Variants in NOXRED1 observed in about 807,000 individuals in gnomAD.
NOXRED1 encodes the protein NADP dependent oxidoreductase domain containing 1, also known as NADP-dependent oxidoreductase domain-containing protein 1.
NOXRED1 carries 20 observed loss-of-function variants against 30.4 expected under a neutral mutation model. The ratio of observed to expected loss-of-function variants is 0.66; its 90% CI spans 0.46 to 0.96. NOXRED1 has a LOEUF of 0.96. NOXRED1 is among the 40% of genes least tolerant of loss of function. The probability of loss-of-function intolerance (pLI) is 0.00; values close to 1 mark genes in which losing one functional copy is unlikely to be tolerated. For synonymous variants in NOXRED1, 155 were observed against 168.0 expected, an observed-to-expected ratio of 0.92 and a Z score of 0.60; for missense variants, 374 against 428.0, an observed-to-expected ratio of 0.87 and a Z score of 1.11.
intron 1 of NOXRED1, among the ~76,000 whole-genome samples, chr14:77,420,483 G>A (rs1471796190): frequency 6.6e-6 from 1 of 151,634 alleles, no homozygotes; most frequent in Non-Finnish European, 1.5e-5. Flanking sequence ...AAACTGCTGG[G>A]ATTACAGGCC....
At chr14:77,420,756 T>C (rs1894973063) in intron 1 of NOXRED1, among the ~76,000 whole-genome samples, 1 of 152,156 alleles carries the variant, frequency 6.6e-6, no homozygotes, top group African/African-American at 2.4e-5. Context: ...GTCAGGCCTC[T>C]CCCAATCTTT....
intron 5 of NOXRED1, 59 bp from the exon 6 acceptor site, chr14:77,394,864 G>T: frequency 1.6e-6 from 2 of 1,227,992 alleles, no homozygotes; most frequent in Non-Finnish European, 2.3e-6. Context: ...TGATTTGGCT[G>T]TTAAACACAT....
chr14:77,395,142 G>A (rs1594866221), intron 5 of NOXRED1, among the ~76,000 whole-genome samples: 1 of 125,678 alleles, frequency 8.0e-6, no homozygotes, highest in African/African-American at 3.2e-5. Flanking sequence ...GTCTTGCTCT[G>A]TCGCCCAGGC....
intron 2 of NOXRED1, among the ~76,000 whole-genome samples, chr14:77,412,125 A>T (rs1459114032): frequency 2.0e-5 from 3 of 151,052 alleles, no homozygotes; most frequent in African/African-American, 7.3e-5. Flanking sequence ...AAAAAAAAAA[A>T]AATTTAATAA....
At chr14:77,418,207 T>C (rs1894882175) in intron 1 of NOXRED1, among the ~76,000 whole-genome samples, 1 of 152,030 alleles carries the variant, frequency 6.6e-6, no homozygotes, top group African/African-American at 2.4e-5. Context: ...TGAACACAGC[T>C]CACTTCAGCC....
At chr14:77,415,199 CACACACACACA>C (rs1272789405) in intron 1 of NOXRED1, among the ~76,000 whole-genome samples, 6 of 151,640 alleles carry the variant, frequency 4.0e-5, no homozygotes, top group Non-Finnish European at 8.8e-5. Flanking sequence ...CACACACACA[CACACACACACA>C]CACACACACC....
chr14:77,415,247 T>A (rs1894780294), intron 1 of NOXRED1, among the ~76,000 whole-genome samples: 1 of 151,736 alleles, frequency 6.6e-6, no homozygotes, highest in Admixed American at 6.6e-5. Flanking sequence ...TAACCATTTT[T>A]AAAGTGCACA....
chr14:77,400,106 T>C (rs1894288950), intron 5 of NOXRED1, among the ~76,000 whole-genome samples: 1 of 152,132 alleles, frequency 6.6e-6, no homozygotes, highest in African/African-American at 2.4e-5. Flanking sequence ...AACCTAGAAC[T>C]CTGTGCAAAG....
At chr14:77,418,070 C>T (rs1894879042) in intron 1 of NOXRED1, among the ~76,000 whole-genome samples, 2 of 152,018 alleles carry the variant, frequency 1.3e-5, no homozygotes, top group Admixed American at 1.3e-4. Flanking sequence ...TGTTATTTAT[C>T]TCATGAATTA....
intron 5 of NOXRED1, 67 bp from the exon 6 acceptor site, chr14:77,394,872 C>T (rs1413514163): frequency 4.0e-5 from 47 of 1,163,350 alleles, no homozygotes; most frequent in Non-Finnish European, 5.4e-5. Flanking sequence ...CTGTTAAACA[C>T]ATCTTTTAAA....
chr14:77,394,513 C>CT lies in NOXRED1; in HGVS notation c.*117dup, dbSNP rs368621049. 1,014 of 677,506 alleles carry CT rather than the reference C, an allele frequency of 1.5e-3. 1 individual carries two copies. The highest frequency in any genetic ancestry group is 2.3e-3 in the Non-Finnish European group (923 of 397,692). 42.0% of individuals were successfully genotyped at this position (677,506 alleles called of 1,614,324 possible). The stretch of plus-strand genomic sequence containing the variant: ...AGTACAGTTTTATAATTCCTGATGT[C>CT]TATCATGTGGCAAACACAATACAGC... On this transcript the variant is annotated 3_prime_UTR_variant, in exon 6 of 6. Coordinates refer to ENST00000380835, the MANE Select transcript of NOXRED1 (RefSeq NM_001113475.3).
At chr14:77,422,269 A>G (rs1359833734) in intron 1 of NOXRED1, among the ~76,000 whole-genome samples, 1 of 152,170 alleles carries the variant, frequency 6.6e-6, no homozygotes. Flanking sequence ...CTTTTCTGCA[A>G]ATCAATATTC....
intron 2 of NOXRED1, among the ~76,000 whole-genome samples, chr14:77,408,017 G>A (rs895537650): frequency 1.1e-4 from 16 of 151,906 alleles, no homozygotes; most frequent in African/African-American, 3.4e-4. Flanking sequence ...ACAGGCATGC[G>A]CCACCATGCC....
At position 77,403,855 on chromosome 14, in the gene NOXRED1, C is replaced by T. The variant is rs190962572; in HGVS notation, c.905+2058G>A. On this transcript the variant is annotated intron_variant, in intron 5 of 5. Coordinates refer to ENST00000380835, the MANE Select transcript of NOXRED1 (RefSeq NM_001113475.3). ...TAAGAATTAGAATGGCACTGTAACT[C>T]TCAGTAGCAACTCTAGAAGCTGAAA... Among the ~76,000 whole-genome samples, 459 of 152,210 alleles carry T rather than the reference C, an allele frequency of 3.0e-3. 3 individuals carry two copies. The highest frequency in any genetic ancestry group is 3.4e-3 in the Middle Eastern group (1 of 294).
chr14:77,413,426 A>G (rs1440169883), intron 2 of NOXRED1, among the ~76,000 whole-genome samples: 1 of 152,052 alleles, frequency 6.6e-6, no homozygotes, highest in Non-Finnish European at 1.5e-5. Flanking sequence ...TTTAATAGAG[A>G]CAGGGTTTCA....
At chr14:77,415,169 C>T (rs1894776938) in intron 1 of NOXRED1, among the ~76,000 whole-genome samples, 1 of 141,642 alleles carries the variant, frequency 7.1e-6, no homozygotes, top group South Asian at 2.3e-4. Context: ...GAGCAAGACC[C>T]TGTCTCAGGA....
Position 77,413,905 on chromosome 14 carries a change from C to T in NOXRED1, c.349+29G>A, listed in dbSNP as rs1164783728. On this transcript the variant is annotated intron_variant, in intron 2 of 5. Coordinates refer to ENST00000380835, the MANE Select transcript of NOXRED1 (RefSeq NM_001113475.3). ...TTGACACCTACACAGCACAACCAAG[C>T]CCCCTTTCTACCACACACTGCTCCT... The T allele has an allele frequency of 1.3e-5, 20 of 1,511,416 alleles. No individual in the cohort carries two copies. The South Asian group carries it at 2.3e-4, about 18-fold the overall frequency. The allele number at this position is 1,511,416 out of a possible 1,614,324, so 93.6% of individuals were successfully genotyped here.
chr14:77,413,069 G>A (rs573361027), intron 2 of NOXRED1, among the ~76,000 whole-genome samples: 56 of 152,110 alleles, frequency 3.7e-4, no homozygotes, highest in Non-Finnish European at 6.3e-4. Flanking sequence ...GAAGTGTACA[G>A]TTTGATCAGT....
intron 5 of NOXRED1, among the ~76,000 whole-genome samples, chr14:77,405,049 C>G (rs551779360): frequency 6.6e-6 from 1 of 152,272 alleles, no homozygotes; most frequent in Non-Finnish European, 1.5e-5. Flanking sequence ...TGACCCAGAG[C>G]TTCTTTCACA....
Sources: gnomAD v4.1 joint callset for allele counts (sites outside exome capture counted in the v4.1 genomes callset) on GRCh38, gnomAD v4.1.1 for gene constraint, MANE v1.5 for transcripts, NCBI Gene and HGNC (gene_info 2026-07-23, HGNC 2026-07-21) for gene names.